Variants in SLC13A2 observed in about 807,000 individuals in gnomAD.
SLC13A2 encodes the protein Na(+)-coupled citrate transporter.
Under a neutral mutation model 58.5 loss-of-function variants are expected in SLC13A2, and 40 were observed. The ratio of observed to expected loss-of-function variants is 0.68; its 90% CI spans 0.53 to 0.89. The LOEUF (loss-of-function observed/expected upper bound fraction) is 0.89. Ranked by LOEUF, SLC13A2 falls within the 40% of genes least tolerant of loss-of-function variation. The pLI is 0.00. For missense variants in SLC13A2, 694 were observed against 772.6 expected (o/e 0.90, Z 1.21); for synonymous variants, 341 against 331.6 (o/e 1.03, Z -0.31).
Position 28,496,948 on chromosome 17 carries a change from G to T in SLC13A2, c.1609-151G>T. 1 of 755,640 alleles carries T rather than the reference G, an allele frequency of 1.3e-6. No homozygotes were observed. Among genetic ancestry groups the T allele is most frequent in the Non-Finnish European group, 2.2e-6 (1 of 461,044 alleles). The allele number at this position is 755,640 out of a possible 1,614,324, so 46.8% of individuals were successfully genotyped here. On this transcript the variant is annotated intron_variant, in intron 11 of 11. Transcript: ENST00000314669. This position sits in a 1 kb window ranked among gnomAD's most constrained non-coding sequence, Gnocchi z 4.2. ...ACAGGGAGTAAAGCAAGGGGCAAAG[G>T]CATTGGCTATGCTGCAGGTTAGACC... is the stretch of plus-strand genomic sequence containing the variant.
chr17:28,487,061 G>A (rs2068896022), intron 1 of SLC13A2, among the ~76,000 whole-genome samples: 1 of 152,224 alleles, frequency 6.6e-6, no homozygotes. Context: ...GCCTCCCAGA[G>A]TGCTGGGATT....
At chr17:28,495,476 TC>T (rs1257853495) in intron 9 of SLC13A2, among the ~76,000 whole-genome samples, 178 bp from the exon 10 acceptor site, 1 of 152,150 alleles carries the variant, frequency 6.6e-6, no homozygotes, top group Admixed American at 6.5e-5. Context: ...CAGCTGTTCT[TC>T]AAGAGCAGGA....
chr17:28,484,101 G>A (rs1201382938), intron 1 of SLC13A2, among the ~76,000 whole-genome samples: 1 of 152,208 alleles, frequency 6.6e-6, no homozygotes, highest in Non-Finnish European at 1.5e-5. Flanking sequence ...ATAGATGCCA[G>A]GCACCTCGCT....
intron 1 of SLC13A2, among the ~76,000 whole-genome samples, chr17:28,475,826 A>T (rs546270418): frequency 4.6e-5 from 7 of 151,962 alleles, no homozygotes; most frequent in Non-Finnish European, 8.8e-5. Context: ...TTCCTTCTCC[A>T]TCTGACTCTG....
At chr17:28,492,112 T>G in intron 6 of SLC13A2, among the ~76,000 whole-genome samples, 1 of 151,980 alleles carries the variant, frequency 6.6e-6, no homozygotes. Context: ...GCAAACCAGG[T>G]CACTTGATGC....
intron 1 of SLC13A2, among the ~76,000 whole-genome samples, chr17:28,481,790 T>C (rs2151448054): frequency 6.6e-6 from 1 of 152,306 alleles, no homozygotes; most frequent in East Asian, 1.9e-4. Flanking sequence ...ATCTGCCTAT[T>C]CTTCCTGGAA....
intron 1 of SLC13A2, among the ~76,000 whole-genome samples, chr17:28,478,055 C>T (rs1409911016): frequency 4.0e-5 from 6 of 151,192 alleles, no homozygotes; most frequent in African/African-American, 1.2e-4. Flanking sequence ...AAGGCTCAGT[C>T]TCAAAAAATA....
chr17:28,494,748 G>A lies in SLC13A2; in HGVS notation c.1308+236G>A, dbSNP rs1555604324. Among the ~76,000 whole-genome samples, 1 of 152,120 alleles carries A rather than the reference G, an allele frequency of 6.6e-6. No homozygotes were observed. The highest frequency in any genetic ancestry group is 1.9e-4 in the East Asian group (1 of 5,184). Reference sequence around the variant, plus strand: ...GTTCTCAAAGTCCAAGGGAAGGCAGGATTCTCTGGTGGGCAGAGCCTGTTC... The same window carrying A: ...GTTCTCAAAGTCCAAGGGAAGGCAGAATTCTCTGGTGGGCAGAGCCTGTTC... On this transcript the variant is annotated intron_variant, in intron 9 of 11. Transcript: ENST00000314669. The surrounding 1 kb of genome is among the most constrained non-coding windows in gnomAD (Gnocchi z 4.0).
At position 28,482,806 on chromosome 17, in the gene SLC13A2, G is replaced by A. The variant is rs1390203665; in HGVS notation, c.103-6408G>A. On this transcript the variant is annotated intron_variant, in intron 1 of 11. Transcript: ENST00000314669. Reference sequence around the variant, plus strand: ...AACTCCTACTCACCCCTCAGTACCCGCTCAAGGTTCCCTCTCTGGAAGCCT... The same window carrying A: ...AACTCCTACTCACCCCTCAGTACCCACTCAAGGTTCCCTCTCTGGAAGCCT... Among the ~76,000 whole-genome samples the A allele has an allele frequency of 3.3e-5, 5 of 152,104 alleles. No homozygotes were observed. In the South Asian group the frequency reaches 8.3e-4, roughly 25 times the overall value.
In SLC13A2 at chr17:28,495,794, T is replaced by G. The variant is rs1555604540; in HGVS notation, c.1448T>G (p.Phe483Cys). ...CTSNVATTTI[F>C]LPILASMAQA... ...AGCAACGTGGCCACCACTACGATCT[T>G]CCTGCCCATCCTAGCCTCCATGGTG... The change falls in exon 10 of 12, where the codon TTC (phenylalanine) becomes TGC (cysteine). Residue 483 changes from phenylalanine (F) to cysteine (C), a missense_variant. Phe to Cys is a radical substitution (Grantham distance 205). Transcript: ENST00000314669. The G allele has an allele frequency of 6.2e-7, 1 of 1,613,162 alleles. No individual in the cohort carries two copies. Among genetic ancestry groups the G allele is most frequent in the East Asian group, 2.2e-5 (1 of 44,848 alleles).
Position 28,494,326 on chromosome 17 carries a change from G to T in SLC13A2, c.1187-65G>T, listed in dbSNP as rs11568460. On this transcript the variant is annotated intron_variant, in intron 8 of 11. Coordinates refer to ENST00000314669, the MANE Select transcript of SLC13A2 (RefSeq NM_003984.4). This position sits in a 1 kb window ranked among gnomAD's most constrained non-coding sequence, Gnocchi z 4.0. ...CAAAAGGGACCCACACAGGGAGCCC[G>T]CAAATGGAGAGGGGAAAGGCCTGTT... 1 of 1,613,776 alleles carries T rather than the reference G, an allele frequency of 6.2e-7. No individual in the cohort carries two copies. The highest frequency in any genetic ancestry group is 8.5e-7 in the Non-Finnish European group (1 of 1,179,918).
chr17:28,491,841 C>G lies in SLC13A2; in HGVS notation c.867C>G (p.Phe289Leu). Residue 289 changes from phenylalanine (F) to leucine (L), a missense_variant, in exon 6 of 12, where the codon TTC (phenylalanine) becomes TTG (leucine). By Grantham distance (22) the Phe-to-Leu change is conservative. Transcript: ENST00000314669. ...CCTGGTTGTGGCTGCAGATCCTCTT[C>G]CTGGGCTTCAAGTAAGTGGCAAAGT... is the stretch of plus-strand genomic sequence containing the variant. ...LLAWLWLQIL[F>L]LGFNFRKNFG... 2 of 1,614,022 alleles carry G rather than the reference C, an allele frequency of 1.2e-6. No individual in the cohort carries two copies. Among genetic ancestry groups the G allele is most frequent in the Non-Finnish European group, 1.7e-6 (2 of 1,179,900 alleles).
Position 28,494,430 on chromosome 17 carries a change from A to C in SLC13A2, c.1226A>C (p.Asp409Ala). 6.2e-7 allele frequency: 1 copy of C among 1,614,038 alleles called. No individual in the cohort carries two copies. Among genetic ancestry groups the C allele is most frequent in the Non-Finnish European group, 8.5e-7 (1 of 1,179,922 alleles). The change falls in exon 9 of 12, where the codon GAC becomes GCC. Residue 409 changes from aspartate to alanine, a missense_variant. Physicochemically the swap from Asp to Ala is moderately radical, Grantham distance 126. Coordinates refer to ENST00000314669, the MANE Select transcript of SLC13A2 (RefSeq NM_003984.4). This position sits in a 1 kb window ranked among gnomAD's most constrained non-coding sequence, Gnocchi z 4.0. Reference sequence around the variant, plus strand: ...CTGAAGGCCCCTCTTGGCCTCCTCGACTGGAAGACGGTGAACCAGAAGATG... The same window carrying C: ...CTGAAGGCCCCTCTTGGCCTCCTCGCCTGGAAGACGGTGAACCAGAAGATG... ...GKLKAPLGLLDWKTVNQKMPW... is the reference protein window; with the variant it reads ...GKLKAPLGLLAWKTVNQKMPW...
chr17:28,483,858 G>A (rs1212552549), intron 1 of SLC13A2, among the ~76,000 whole-genome samples: 2 of 152,190 alleles, frequency 1.3e-5, no homozygotes, highest in Non-Finnish European at 2.9e-5. Context: ...GCAGTAAAGC[G>A]GGGACTCAGC....
At position 28,497,419 on chromosome 17, in the gene SLC13A2, A is replaced by G. The variant is rs2069169235; in HGVS notation, c.*150A>G. 1.2e-6 allele frequency: 1 copy of G among 814,364 alleles called. No homozygotes were observed. Among genetic ancestry groups the G allele is most frequent in the African/African-American group, 1.7e-5 (1 of 57,950 alleles). The allele number at this position is 814,364 out of a possible 1,614,324, so 50.4% of individuals were successfully genotyped here. On this transcript the variant is annotated 3_prime_UTR_variant, in exon 12 of 12. Transcript: ENST00000314669. ...ATAATCTCTTGCGTGTCTGTAAGGA[A>G]GGGGTGTATGCTCAGTTTCCTATGT...
At chr17:28,488,970 C>G (rs2068945319) in intron 1 of SLC13A2, among the ~76,000 whole-genome samples, 2 of 152,216 alleles carry the variant, frequency 1.3e-5, no homozygotes, top group South Asian at 4.1e-4. Context: ...TCCAGACTCT[C>G]CGAAGTGGCT....
rs781958737 is a variant in SLC13A2 at position 28,495,741 on chromosome 17, C to T, written c.1395C>T (p.Leu465=). 6.2e-7 allele frequency: 1 copy of T among 1,613,452 alleles called. No homozygotes were observed. The change falls in exon 10 of 12, where the codon CTC becomes CTT. Residue 465 remains leucine, a synonymous_variant. Transcript: ENST00000314669. ...CAGCCATTGCCATCATCCTCTCCCT[C>T]CTGGTGGCCACCTTCACCGAGTGCA... ...PAPAIAIILS[L]LVATFTECTS...
rs782487507 is a variant in SLC13A2, at chr17:28,496,413, A to C, written c.1471-37A>C. 3.8e-6 allele frequency: 6 copies of C among 1,560,390 alleles called. No individual in the cohort carries two copies. The South Asian group carries it at 7.1e-5, about 18-fold the overall frequency. On this transcript the variant is annotated intron_variant, in intron 10 of 11. Coordinates refer to ENST00000314669, the MANE Select transcript of SLC13A2 (RefSeq NM_003984.4). This position sits in a 1 kb window ranked among gnomAD's most constrained non-coding sequence, Gnocchi z 4.2. Reference sequence around the variant, plus strand: ...CCATGCCCCTCCCTCTGGCTTGGGGACCAAGTTCAGCTCTGCGCCACTGCC... The same window carrying C: ...CCATGCCCCTCCCTCTGGCTTGGGGCCCAAGTTCAGCTCTGCGCCACTGCC...
At chr17:28,480,371 G>A (rs1483722086) in intron 1 of SLC13A2, among the ~76,000 whole-genome samples, 1 of 152,160 alleles carries the variant, frequency 6.6e-6, no homozygotes, top group Admixed American at 6.6e-5. Flanking sequence ...CTTAGTGCAA[G>A]CTGTTCCTGA....
Sources: allele counts gnomAD v4.1 joint callset (sites outside exome capture counted in the v4.1 genomes callset), GRCh38; gene constraint gnomAD v4.1.1; non-coding constraint Gnocchi (gnomAD v3.1); transcripts MANE v1.5; gene names NCBI Gene and HGNC (gene_info 2026-07-23, HGNC 2026-07-21).